The following RNF144A variants were observed in gnomAD, a reference collection of about 807,000 sequenced individuals.
RNF144A encodes the protein E3 ubiquitin-protein ligase RNF144A.
A neutral mutation model predicts 38.7 loss-of-function variants in RNF144A; 11 were observed. The ratio of observed to expected loss-of-function variants is 0.28; its 90% CI spans 0.18 to 0.47. RNF144A has a LOEUF of 0.47. Among genes scored for constraint, RNF144A ranks in the 20% least tolerant of loss-of-function variants. The probability of loss-of-function intolerance (pLI) is 0.99; values close to 1 mark genes in which losing one functional copy is unlikely to be tolerated. For synonymous variants in RNF144A, 149 were observed against 143.9 expected, an observed-to-expected ratio of 1.04 and a Z score of -0.25; for missense variants, 316 against 377.2, an observed-to-expected ratio of 0.84 and a Z score of 1.34.
chr2:7,009,605 T>C (rs1373280732), intron 3 of RNF144A, among the ~76,000 whole-genome samples: 6 of 151,872 alleles, frequency 4.0e-5, no homozygotes, highest in African/African-American at 1.4e-4. Flanking sequence ...GTCACAGTCC[T>C]ACATCCTTGA....
downstream of RNF144A, among the ~76,000 whole-genome samples, chr2:7,069,330 C>G (rs1241107020): frequency 1.3e-5 from 2 of 152,230 alleles, no homozygotes; most frequent in East Asian, 3.8e-4. Context: ...TTTTTAGCAA[C>G]AAATTAATCC....
At chr2:7,053,742 G>A (rs1354011329) in intron 6 of RNF144A, among the ~76,000 whole-genome samples, 5 of 152,232 alleles carry the variant, frequency 3.3e-5, no homozygotes. Flanking sequence ...CTTTGGTTAA[G>A]AATTAGGCTG....
At chr2:6,970,688 A>G (rs778545216) in intron 2 of RNF144A, among the ~76,000 whole-genome samples, 18 of 152,232 alleles carry the variant, frequency 1.2e-4, no homozygotes, top group South Asian at 2.1e-4. Flanking sequence ...CCCTTCAGAG[A>G]GCAGAGGCTG....
chr2:7,067,205 T>C (rs1041784409), intron 6 of RNF144A, among the ~76,000 whole-genome samples: 1 of 152,218 alleles, frequency 6.6e-6, no homozygotes, highest in Non-Finnish European at 1.5e-5. Context: ...GGATCCTGAA[T>C]TCTCCAAGCT....
At chr2:6,993,707 T>C (rs1336632406) in intron 2 of RNF144A, among the ~76,000 whole-genome samples, 1 of 152,170 alleles carries the variant, frequency 6.6e-6, no homozygotes, top group Non-Finnish European at 1.5e-5. Context: ...TAGGAGGTTT[T>C]GATGTTTGAT....
intron 1 of RNF144A, among the ~76,000 whole-genome samples, chr2:6,923,314 T>G (rs994790101): frequency 1.9e-4 from 29 of 152,232 alleles, no homozygotes; most frequent in Non-Finnish European, 3.2e-4. Flanking sequence ...CACACCTTTT[T>G]TTTTGTTAAC....
At chr2:7,018,343 A>C (rs902516766) in intron 5 of RNF144A, among the ~76,000 whole-genome samples, 5 of 152,258 alleles carry the variant, frequency 3.3e-5, no homozygotes, top group Non-Finnish European at 7.3e-5. Flanking sequence ...GGCTGGGCAG[A>C]CATGGGCCTC....
chr2:7,030,149 C>A lies in RNF144A; in HGVS notation c.681C>A (p.Tyr227Ter). ...AGGATGATTTCCTTCTGATACACTA[C>A]GATAAGGGACCCTGCCGGAACAAGC... ...SLDDDFLLIH[Y>*]DKGPCRNKLG... Residue 227 changes from tyrosine to a stop codon, truncating the protein, a stop_gained, in exon 8 of 9, where the codon TAC (tyrosine) becomes TAA (stop). Transcript: ENST00000320892. LOFTEE classifies it high-confidence loss of function. The A allele has an allele frequency of 6.2e-7, 1 of 1,613,800 alleles. No homozygotes were observed. The highest frequency in any genetic ancestry group is 8.5e-7 in the Non-Finnish European group (1 of 1,179,768).
At chr2:7,015,367 A>T (rs1237596395) in intron 5 of RNF144A, among the ~76,000 whole-genome samples, 1 of 152,216 alleles carries the variant, frequency 6.6e-6, no homozygotes, top group Non-Finnish European at 1.5e-5. Flanking sequence ...AGGCTAACTG[A>T]CTTGCCCTGA....
chr2:7,061,695 T>G (rs1481578047), intron 6 of RNF144A, among the ~76,000 whole-genome samples: 1 of 152,224 alleles, frequency 6.6e-6, no homozygotes, highest in African/African-American at 2.4e-5. Flanking sequence ...GGCCTAGAAC[T>G]ACATCTTACA....
In RNF144A at chr2:6,931,120, C is replaced by T. The variant is rs559457824; in HGVS notation, c.-211-9828C>T. On this transcript the variant is annotated intron_variant, in intron 1 of 8. Transcript: ENST00000320892. ...TTCATGTCAGAACTGGGACAGTGTG[C>T]CCGGCAGAGTCCAGAAGCATCTCCT... Among the ~76,000 whole-genome samples, 5 of 152,308 alleles carry T rather than the reference C, an allele frequency of 3.3e-5. No homozygotes were observed. The East Asian group carries it at 7.7e-4, about 24-fold the overall frequency.
In RNF144A at chr2:7,041,253, G is replaced by C; in HGVS notation, c.*1493G>C. 1 of 985,652 alleles carries C rather than the reference G, an allele frequency of 1.0e-6. No homozygotes were observed. The highest frequency in any genetic ancestry group is 1.2e-6 in the Non-Finnish European group (1 of 829,934). 61.1% of individuals were successfully genotyped at this position (985,652 alleles called of 1,614,324 possible). The stretch of plus-strand genomic sequence containing the variant: ...AAGCACATTTTTAAAATGTTGCTTT[G>C]TGTGTGTTTGACTTCTGCATTTGAG... On this transcript the variant is annotated 3_prime_UTR_variant, in exon 9 of 9. Coordinates refer to ENST00000320892, the MANE Select transcript of RNF144A (RefSeq NM_014746.6).
chr2:6,939,369 T>A (rs1665818517), intron 1 of RNF144A, among the ~76,000 whole-genome samples: 1 of 152,274 alleles, frequency 6.6e-6, no homozygotes, highest in African/African-American at 2.4e-5. Context: ...GCTTATTGGC[T>A]ATTTGAATAT....
Position 7,030,166 on chromosome 2 carries a change from G to A in RNF144A, c.698G>A (p.Arg233Gln), listed in dbSNP as rs753241451. 2.5e-6 allele frequency: 4 copies of A among 1,613,968 alleles called. No homozygotes were observed. The highest frequency in any genetic ancestry group is 1.7e-5 in the Admixed American group (1 of 60,012). Residue 233 changes from arginine (R) to glutamine (Q), a missense_variant, in exon 8 of 9, where the codon CGG (arginine) becomes CAG (glutamine). By Grantham distance (43) the Arg-to-Gln change is conservative (BLOSUM62 1). Transcript: ENST00000320892. ...ATACACTACGATAAGGGACCCTGCCGGAACAAGCTGGGCCACTCCCGGGCA... is the reference window on the plus strand; with the variant it reads ...ATACACTACGATAAGGGACCCTGCCAGAACAAGCTGGGCCACTCCCGGGCA... ...LLIHYDKGPC[R>Q]NKLGHSRASV...
At chr2:7,016,153 T>C (rs1671125384) in intron 5 of RNF144A, among the ~76,000 whole-genome samples, 1 of 151,340 alleles carries the variant, frequency 6.6e-6, no homozygotes, top group South Asian at 2.1e-4. Context: ...TGTAGCCCAC[T>C]TAAAAAAAAA....
intron 3 of RNF144A, among the ~76,000 whole-genome samples, chr2:7,006,369 G>T (rs1427935746): frequency 6.6e-6 from 1 of 152,188 alleles, no homozygotes; most frequent in Non-Finnish European, 1.5e-5. Flanking sequence ...GATGACACAG[G>T]ATAAGTGGCA....
intron 2 of RNF144A, among the ~76,000 whole-genome samples, chr2:6,975,775 A>G (rs1035309174): frequency 3.9e-5 from 6 of 152,196 alleles, no homozygotes; most frequent in Non-Finnish European, 7.3e-5. Context: ...GCAGTGAGCC[A>G]AGATTGCACC....
intron 2 of RNF144A, among the ~76,000 whole-genome samples, chr2:6,963,068 C>T (rs1358569182): frequency 6.6e-6 from 1 of 152,172 alleles, no homozygotes; most frequent in African/African-American, 2.4e-5. Flanking sequence ...ATGAGATCCA[C>T]CTTTCTATGT....
chr2:6,922,689 A>G (rs529070366), intron 1 of RNF144A, among the ~76,000 whole-genome samples: 6 of 150,772 alleles, frequency 4.0e-5, no homozygotes, highest in African/African-American at 1.2e-4. Context: ...TAGTGGTGCA[A>G]TCTCAGCTCA....
Sources: gnomAD v4.1 joint callset for allele counts (sites outside exome capture counted in the v4.1 genomes callset) on GRCh38, gnomAD v4.1.1 for gene constraint, MANE v1.5 for transcripts, NCBI Gene and HGNC (gene_info 2026-07-23, HGNC 2026-07-21) for gene names.